The following MAP3K7CL variants were observed in gnomAD, a reference collection of about 807,000 sequenced individuals.
The protein encoded by MAP3K7CL is MAP3K7 C-terminal-like protein.
MAP3K7CL carries 16 observed loss-of-function variants against 18.6 expected under a neutral mutation model. The ratio of observed to expected loss-of-function variants is 0.86; its 90% CI spans 0.58 to 1.31. MAP3K7CL has a LOEUF of 1.31. Among genes scored for constraint, MAP3K7CL ranks in the 50% most tolerant of loss-of-function variants. MAP3K7CL has a pLI of 0.00. For missense variants in MAP3K7CL, 163 were observed against 174.4 expected (o/e 0.93, Z 0.37); for synonymous variants, 65 against 66.8 (o/e 0.97, Z 0.13).
chr21:29,135,737 CTT>C (rs1601219895), intron 2 of MAP3K7CL, among the ~76,000 whole-genome samples: 1 of 152,270 alleles, frequency 6.6e-6, no homozygotes, highest in East Asian at 1.9e-4. Context: ...GTTCCAGTGT[CTT>C]TCTCTTCTCT....
At chr21:29,111,301 G>A (rs1272794194) in intron 4 of MAP3K7CL, among the ~76,000 whole-genome samples, 2 of 151,910 alleles carry the variant, frequency 1.3e-5, no homozygotes, top group Admixed American at 6.6e-5. Context: ...AACAAAAAAC[G>A]TTCCTTGGAT....
chr21:29,166,146 C>T (rs942949641), intron 4 of MAP3K7CL, among the ~76,000 whole-genome samples: 8 of 152,150 alleles, frequency 5.3e-5, no homozygotes, highest in Non-Finnish European at 8.8e-5. Flanking sequence ...AATAACCCCT[C>T]CCCATACCCC....
chr21:29,153,697 C>A (rs2146701807), intron 3 of MAP3K7CL, among the ~76,000 whole-genome samples: 2 of 152,226 alleles, frequency 1.3e-5, no homozygotes, highest in Middle Eastern at 3.4e-3. Flanking sequence ...GATCTGCCCA[C>A]CTCAGGCTCC....
chr21:29,100,426 A>G (rs973724249), intron 4 of MAP3K7CL, among the ~76,000 whole-genome samples: 1 of 152,236 alleles, frequency 6.6e-6, no homozygotes, highest in African/African-American at 2.4e-5. Context: ...AAGAGGTTGC[A>G]GTAACTTTCC....
chr21:29,093,119 G>A (rs2086058740), intron 4 of MAP3K7CL, among the ~76,000 whole-genome samples: 1 of 152,198 alleles, frequency 6.6e-6, no homozygotes, highest in Non-Finnish European at 1.5e-5. Context: ...GGCCAGGCTA[G>A]ACTCAAACTC....
chr21:29,142,114 G>A (rs901045308), intron 2 of MAP3K7CL, among the ~76,000 whole-genome samples: 1 of 151,936 alleles, frequency 6.6e-6, no homozygotes, highest in Non-Finnish European at 1.5e-5. Flanking sequence ...ACTCAGACTG[G>A]AGTGCAGTAG....
chr21:29,110,403 C>CT (rs947594767), intron 4 of MAP3K7CL, among the ~76,000 whole-genome samples: 92 of 147,214 alleles, frequency 6.2e-4, no homozygotes, highest in Admixed American at 1.6e-3. Flanking sequence ...ATCTCTGTAT[C>CT]TTTTTTTTTT....
intron 4 of MAP3K7CL, among the ~76,000 whole-genome samples, chr21:29,098,961 T>C (rs2086172040): frequency 6.6e-6 from 1 of 152,198 alleles, no homozygotes; most frequent in Non-Finnish European, 1.5e-5. Context: ...GATGCCAAAG[T>C]GGCAGGTACA....
intron 1 of MAP3K7CL, among the ~76,000 whole-genome samples, chr21:29,087,073 T>C (rs1435299132): frequency 6.6e-6 from 1 of 152,174 alleles, no homozygotes; most frequent in Non-Finnish European, 1.5e-5. Context: ...CCAGCCACAC[T>C]ACCTTCTTTT....
chr21:29,140,661 G>T (rs2086986433), intron 2 of MAP3K7CL, among the ~76,000 whole-genome samples: 1 of 152,182 alleles, frequency 6.6e-6, no homozygotes, highest in African/African-American at 2.4e-5. Flanking sequence ...AAAGGCCATG[G>T]GGTTGATGGA....
chr21:29,084,832 T>C (rs1354645905), upstream of MAP3K7CL, among the ~76,000 whole-genome samples: 1 of 152,234 alleles, frequency 6.6e-6, no homozygotes, highest in Non-Finnish European at 1.5e-5. Flanking sequence ...TGATTTTTGA[T>C]AACTTAGGCA....
chr21:29,095,131 C>G (rs1428863092), intron 4 of MAP3K7CL, among the ~76,000 whole-genome samples: 1 of 114,808 alleles, frequency 8.7e-6, no homozygotes, highest in Non-Finnish European at 1.7e-5. Flanking sequence ...GAAGGTTAGG[C>G]TCATTCATTT....
At chr21:29,081,747 G>T (rs2085839912), upstream of MAP3K7CL, among the ~76,000 whole-genome samples, 1 of 152,216 alleles carries the variant, frequency 6.6e-6, no homozygotes, top group African/African-American at 2.4e-5. Context: ...CAGATTGCAA[G>T]TTTGGGTTCC....
At chr21:29,150,145 G>A (rs1214671656) in intron 3 of MAP3K7CL, among the ~76,000 whole-genome samples, 1 of 152,202 alleles carries the variant, frequency 6.6e-6, no homozygotes, top group Non-Finnish European at 1.5e-5. Flanking sequence ...TTTCCCATTT[G>A]TGGGTGTGCC....
At chr21:29,174,567 A>G in intron 4 of MAP3K7CL, 145 bp from the exon 5 acceptor site, 1 of 990,332 alleles carries the variant, frequency 1.0e-6, no homozygotes, top group Non-Finnish European at 1.5e-6. Context: ...CTGGACAAAT[A>G]AAAGTCATTG....
intron 4 of MAP3K7CL, among the ~76,000 whole-genome samples, chr21:29,097,510 T>G (rs1228202575): frequency 6.6e-6 from 1 of 152,172 alleles, no homozygotes; most frequent in African/African-American, 2.4e-5. Flanking sequence ...TCAACCTTGA[T>G]ATACCTTTTA....
At chr21:29,125,880 C>A (rs1568949631), upstream of MAP3K7CL, among the ~76,000 whole-genome samples, 2 of 152,214 alleles carry the variant, frequency 1.3e-5, no homozygotes, top group Non-Finnish European at 2.9e-5. Flanking sequence ...TCCCGTGGCA[C>A]TTTCTTACCA....
intron 4 of MAP3K7CL, among the ~76,000 whole-genome samples, chr21:29,167,352 T>C (rs1271769897): frequency 6.6e-6 from 1 of 152,218 alleles, no homozygotes; most frequent in East Asian, 1.9e-4. Flanking sequence ...GTGAGACTTA[T>C]ATTGTCATGT....
chr21:29,090,830 C>T (rs1238119470), intron 1 of MAP3K7CL, among the ~76,000 whole-genome samples: 1 of 147,436 alleles, frequency 6.8e-6, no homozygotes, highest in Non-Finnish European at 1.5e-5. Flanking sequence ...TATGTGTGTT[C>T]TTATTTTTCC....
Sources: gnomAD v4.1 joint callset for allele counts (sites outside exome capture counted in the v4.1 genomes callset) on GRCh38, gnomAD v4.1.1 for gene constraint, MANE v1.5 for transcripts, NCBI Gene and HGNC (gene_info 2026-07-23, HGNC 2026-07-21) for gene names.